SKI: variants seen among roughly 807,000 people sequenced by gnomAD.
The protein encoded by SKI is SKI proto-oncogene, also known as ski oncogene.
SKI carries 23 observed loss-of-function variants against 59.3 expected under a neutral mutation model. That is an observed-to-expected ratio of 0.39 (90% CI 0.28 to 0.55). SKI has a LOEUF of 0.55. Ranked by LOEUF, SKI falls within the 20% of genes least tolerant of loss-of-function variation. SKI has a pLI of 0.67. For missense variants in SKI, 1,017 were observed against 1,038.9 expected (o/e 0.98, Z 0.29); for synonymous variants, 673 against 488.6 (o/e 1.38, Z -4.98).
At chr1:2,300,143 C>T (rs943091813) in intron 1 of SKI, among the ~76,000 whole-genome samples, 2 of 152,230 alleles carry the variant, frequency 1.3e-5, no homozygotes, top group African/African-American at 4.8e-5. Context: ...GCCCGGGTGC[C>T]TGCTGGCCAG....
rs1456489232 is a variant in SKI at position 2,231,109 on chromosome 1, G to A, written c.969+1374G>A. ...CAGACGTAGCAGGCTGGGGCCCTTC[G>A]TGTCACACGGGGAGTTGGTTGGGGT... On this transcript the variant is annotated intron_variant, in intron 1 of 6. Transcript: ENST00000378536. Among the ~76,000 whole-genome samples, 7 of 152,182 alleles carry A rather than the reference G, an allele frequency of 4.6e-5. No individual in the cohort carries two copies. In the East Asian group the frequency reaches 5.8e-4, roughly 13 times the overall value.
At chr1:2,258,928 C>T (rs528043669) in intron 1 of SKI, among the ~76,000 whole-genome samples, 4 of 152,296 alleles carry the variant, frequency 2.6e-5, no homozygotes, top group Non-Finnish European at 4.4e-5. Flanking sequence ...GTGTTTGCCT[C>T]GGGGTGTGTT....
intron 1 of SKI, among the ~76,000 whole-genome samples, chr1:2,231,126 G>T (rs947204982): frequency 6.6e-6 from 1 of 152,200 alleles, no homozygotes; most frequent in African/African-American, 2.4e-5. Flanking sequence ...ACGGGGAGTT[G>T]GTTGGGGTGG....
intron 1 of SKI, among the ~76,000 whole-genome samples, chr1:2,244,548 A>G (rs1638950034): frequency 6.6e-6 from 1 of 152,136 alleles, no homozygotes; most frequent in South Asian, 2.1e-4. Flanking sequence ...CCATTGTACT[A>G]CAGCCTGGGT....
In SKI at chr1:2,259,977, C is replaced by T. The variant is rs145086315; in HGVS notation, c.969+30242C>T. ...CACAAAGAAAGCGGCTGTGAACATT[C>T]GGGTACAAGTTGTTGTCGGGATACA... is the stretch of plus-strand genomic sequence containing the variant. On this transcript the variant is annotated intron_variant, in intron 1 of 6. Coordinates refer to ENST00000378536, the MANE Select transcript of SKI (RefSeq NM_003036.4). Among the ~76,000 whole-genome samples the T allele has an allele frequency of 2.0e-4, 30 of 152,300 alleles. No homozygotes were observed. The East Asian group carries it at 2.1e-3, about 11-fold the overall frequency.
At chr1:2,295,334 G>C (rs1045528484) in intron 1 of SKI, among the ~76,000 whole-genome samples, 1 of 152,206 alleles carries the variant, frequency 6.6e-6, no homozygotes, top group Non-Finnish European at 1.5e-5. Flanking sequence ...CATTCACCTT[G>C]ACAGTTTGGC....
In SKI at chr1:2,303,099, A is replaced by G. The variant is rs763338270; in HGVS notation, c.1091A>G (p.Asn364Ser). The change falls in exon 2 of 7, where the codon AAT becomes AGT. Residue 364 changes from asparagine to serine, a missense_variant. Transcript: ENST00000378536. This position sits in a 1 kb window ranked among gnomAD's most constrained non-coding sequence, Gnocchi z 5.6. ...CTGCGGACCTTGGCCGGCTCTTCCA[A>G]TAAGGTGCTGTGGGGCCTGTCGGGG... ...SWLRTLAGSS[N>S]KSLGCVHPRQ... 9 of 1,613,106 alleles carry G rather than the reference A, an allele frequency of 5.6e-6. No homozygotes were observed. Among genetic ancestry groups the G allele is most frequent in the Admixed American group, 1.7e-5 (1 of 60,006 alleles).
At chr1:2,240,402 G>A in intron 1 of SKI, 1 of 800,338 alleles carries the variant, frequency 1.2e-6, no homozygotes, top group Non-Finnish European at 1.5e-6. Flanking sequence ...CTACGGGCAG[G>A]AGTGTGTCTG....
chr1:2,273,951 C>G (rs140889532), intron 1 of SKI, among the ~76,000 whole-genome samples: 2 of 152,140 alleles, frequency 1.3e-5, no homozygotes, highest in African/African-American at 4.8e-5. Context: ...TCTCCCTGAC[C>G]GGCAGCGCCA....
At chr1:2,236,938 G>T (rs540998185) in intron 1 of SKI, among the ~76,000 whole-genome samples, 1 of 152,304 alleles carries the variant, frequency 6.6e-6, no homozygotes, top group South Asian at 2.1e-4. Flanking sequence ...CTTCCTGCAG[G>T]TCCCACGGTG....
intron 1 of SKI, among the ~76,000 whole-genome samples, chr1:2,278,306 G>A (rs551753290): frequency 6.6e-6 from 1 of 152,348 alleles, no homozygotes; most frequent in East Asian, 1.9e-4. Context: ...GCTCTGGCTT[G>A]GCTGGGCCTT....
At chr1:2,280,404 C>T (rs565064676) in intron 1 of SKI, among the ~76,000 whole-genome samples, 1 of 152,016 alleles carries the variant, frequency 6.6e-6, no homozygotes, top group South Asian at 2.1e-4. Flanking sequence ...ACCACAGCCC[C>T]TTCTCACAAG....
intron 1 of SKI, among the ~76,000 whole-genome samples, chr1:2,242,512 A>G (rs577557961): frequency 1.3e-4 from 20 of 152,158 alleles, no homozygotes; most frequent in Middle Eastern, 3.4e-3. Context: ...ACATTGATGG[A>G]AAGATTTTTC....
At chr1:2,272,467 C>T (rs1295969387) in intron 1 of SKI, among the ~76,000 whole-genome samples, 1 of 152,134 alleles carries the variant, frequency 6.6e-6, no homozygotes, top group East Asian at 1.9e-4. Flanking sequence ...CTGCAGCTCC[C>T]AGCGGCACTG....
At chr1:2,284,686 C>T (rs962665652) in intron 1 of SKI, among the ~76,000 whole-genome samples, 10 of 152,190 alleles carry the variant, frequency 6.6e-5, no homozygotes, top group Admixed American at 1.3e-4. Context: ...CGCCCCACAC[C>T]GGCCTATGAG....
At chr1:2,244,685 GTTGA>G (rs890776793) in intron 1 of SKI, among the ~76,000 whole-genome samples, 16 of 152,140 alleles carry the variant, frequency 1.1e-4, no homozygotes, top group African/African-American at 2.9e-4. Flanking sequence ...TTTTTGGTGG[GTTGA>G]TTGTTTTGTT....
At chr1:2,282,597 C>T (rs1450648715) in intron 1 of SKI, among the ~76,000 whole-genome samples, 1 of 152,148 alleles carries the variant, frequency 6.6e-6, no homozygotes, top group Non-Finnish European at 1.5e-5. Flanking sequence ...TTGTGTGGCA[C>T]CAGGGCAGGG....
chr1:2,275,514 G>A (rs1457512577), intron 1 of SKI, among the ~76,000 whole-genome samples: 1 of 152,052 alleles, frequency 6.6e-6, no homozygotes, highest in South Asian at 2.1e-4. Flanking sequence ...TTCCAGAGAC[G>A]TTTATCTGTT....
At chr1:2,279,582 G>T (rs1036550956) in intron 1 of SKI, among the ~76,000 whole-genome samples, 3 of 152,232 alleles carry the variant, frequency 2.0e-5, no homozygotes, top group Non-Finnish European at 2.9e-5. Context: ...GCAGGGGGAG[G>T]GGGGAGGGGA....
Sources: allele counts gnomAD v4.1 joint callset (sites outside exome capture counted in the v4.1 genomes callset), GRCh38; gene constraint gnomAD v4.1.1; non-coding constraint Gnocchi (gnomAD v3.1); transcripts MANE v1.5; gene names NCBI Gene and HGNC (gene_info 2026-07-23, HGNC 2026-07-21).